The following EIF2D variants were observed in gnomAD, a reference collection of about 807,000 sequenced individuals.
EIF2D encodes the protein eukaryotic translation initiation factor 2D.
A neutral mutation model predicts 77.4 loss-of-function variants in EIF2D; 56 were observed. The observed-to-expected ratio is 0.72, with a 90% CI of 0.58 to 0.90. The LOEUF (loss-of-function observed/expected upper bound fraction) is 0.90. EIF2D is among the 40% of genes least tolerant of loss of function. The pLI is 0.00. For missense variants in EIF2D, 574 were observed against 706.5 expected, an observed-to-expected ratio of 0.81 and a Z score of 2.13; for synonymous variants, 230 against 271.0, an observed-to-expected ratio of 0.85 and a Z score of 1.49.
chr1:206,583,573 A>G (rs1198893690), intron 2 of EIF2D: 13 of 568,454 alleles, frequency 2.3e-5, no homozygotes, highest in South Asian at 1.0e-4. Context: ...TTAGGGAAAT[A>G]GATCTGACTC....
chr1:206,578,750 T>C (rs1553405665), intron 4 of EIF2D, among the ~76,000 whole-genome samples: 1 of 152,134 alleles, frequency 6.6e-6, no homozygotes, highest in Non-Finnish European at 1.5e-5. Flanking sequence ...TGCCACAGCA[T>C]TCCTGGGTGC....
chr1:206,591,498 C>G (rs868917524), downstream of EIF2D: 4 of 477,546 alleles, frequency 8.4e-6, no homozygotes, highest in Non-Finnish European at 1.5e-5. Context: ...GCTGGCCTGC[C>G]TGGAAAGCAG....
intron 6 of EIF2D, 98 bp from the exon 7 acceptor site, chr1:206,602,551 G>C: frequency 9.4e-7 from 1 of 1,060,480 alleles, no homozygotes; most frequent in African/African-American, 1.6e-5. Flanking sequence ...CACCCACTTG[G>C]CTCTGAAAGG....
intron 2 of EIF2D, chr1:206,583,198 A>T (rs1668962112): frequency 2.1e-6 from 2 of 966,524 alleles, no homozygotes; most frequent in Admixed American, 3.4e-5. Flanking sequence ...GGCTTTGGGG[A>T]GGGCGTGGTT....
chr1:206,603,528 G>A (rs2102295597), intron 5 of EIF2D: 2 of 237,952 alleles, frequency 8.4e-6, no homozygotes, highest in South Asian at 1.2e-4. Context: ...TCCCAAAAAT[G>A]TTCCCTTCAT....
downstream of EIF2D, among the ~76,000 whole-genome samples, chr1:206,569,411 C>G (rs1275504538): frequency 6.6e-6 from 1 of 152,186 alleles, no homozygotes; most frequent in Admixed American, 6.5e-5. Context: ...CAGGTAGCAA[C>G]CCTCAGAGAG....
At position 206,612,406 on chromosome 1, in the gene EIF2D, C is replaced by A; in HGVS notation, c.-64G>T. On this transcript the variant is annotated 5_prime_UTR_variant, in exon 1 of 15. Coordinates refer to ENST00000271764, the MANE Select transcript of EIF2D (RefSeq NM_006893.3). ...AGGGAATGTCAAGAAAGCGAGGGCG[C>A]AGCAGCTGCCAGGCCCTCAGCCGTG... 1 of 1,600,150 alleles carries A rather than the reference C, an allele frequency of 6.2e-7. No homozygotes were observed. Among genetic ancestry groups the A allele is most frequent in the Non-Finnish European group, 8.6e-7 (1 of 1,167,650 alleles).
chr1:206,575,657 G>GA (rs1451981908), intron 4 of EIF2D, among the ~76,000 whole-genome samples: 3 of 152,124 alleles, frequency 2.0e-5, no homozygotes, highest in Non-Finnish European at 4.4e-5. Flanking sequence ...GCAATGATGA[G>GA]AAAAAAACAC....
intron 3 of EIF2D, 87 bp downstream of exon 3, chr1:206,609,289 C>T: frequency 7.5e-7 from 1 of 1,333,556 alleles, no homozygotes. Flanking sequence ...ACCACAAAAA[C>T]ACAGGAAATG....
At chr1:206,586,297 T>C (rs1332068695) in intron 2 of EIF2D, 3 of 154,192 alleles carry the variant, frequency 1.9e-5, no homozygotes, top group Admixed American at 1.9e-4. Flanking sequence ...CCAAGTCCTT[T>C]AGGGGTAGGC....
intron 5 of EIF2D, 163 bp downstream of exon 5, chr1:206,605,237 G>T: frequency 1.9e-6 from 1 of 515,720 alleles, no homozygotes; most frequent in Non-Finnish European, 3.4e-6. Context: ...TCCAAACAGG[G>T]GAAAAAAATA....
intron 2 of EIF2D, among the ~76,000 whole-genome samples, chr1:206,610,728 A>G (rs946956757): frequency 1.3e-4 from 19 of 151,914 alleles, no homozygotes; most frequent in African/African-American, 4.6e-4. Context: ...GGCTGAGGCA[A>G]GAGAATGGTG....
In EIF2D at chr1:206,584,494, G is replaced by A; in HGVS notation, c.139-3332C>T. 2 of 1,614,156 alleles carry A rather than the reference G, an allele frequency of 1.2e-6. No individual in the cohort carries two copies. Among genetic ancestry groups the A allele is most frequent in the Non-Finnish European group, 1.7e-6 (2 of 1,180,012 alleles). ...CCCAGTCCATCTATGATGCCATCAA[G>A]GAGGTGAACCTGGCGGCTACCACGG... On this transcript the variant is annotated intron_variant and NMD_transcript_variant, in intron 2 of 5. Coordinates refer to the EIF2D transcript ENST00000472709. This position sits in a 1 kb window ranked among gnomAD's most constrained non-coding sequence, Gnocchi z 4.9.
chr1:206,604,170 C>T (rs1558538335), intron 5 of EIF2D, among the ~76,000 whole-genome samples: 2 of 152,142 alleles, frequency 1.3e-5, no homozygotes, highest in African/African-American at 2.4e-5. Context: ...CGGCGGGGAG[C>T]GGTGGCTCAC....
chr1:206,611,389 C>A lies in EIF2D; in HGVS notation c.57-15G>T, dbSNP rs781847455. 1 of 1,605,950 alleles carries A rather than the reference C, an allele frequency of 6.2e-7. No individual in the cohort carries two copies. Among genetic ancestry groups the A allele is most frequent in the Non-Finnish European group, 8.5e-7 (1 of 1,174,126 alleles). ...GAAGCTTTCTCCTGTGGAAAGCACACCAGCACTGTGAATGCTGCCTGGACA... is the reference window on the plus strand; with the variant it reads ...GAAGCTTTCTCCTGTGGAAAGCACAACAGCACTGTGAATGCTGCCTGGACA... On this transcript the variant is annotated splice_polypyrimidine_tract_variant and intron_variant, in intron 1 of 14. Coordinates refer to ENST00000271764, the MANE Select transcript of EIF2D (RefSeq NM_006893.3).
At position 206,609,473 on chromosome 1, in the gene EIF2D, G is replaced by C; in HGVS notation, c.248-14C>G. On this transcript the variant is annotated splice_polypyrimidine_tract_variant and intron_variant, in intron 2 of 14. Transcript: ENST00000271764. ...ACAGCGTGTACACTGTACAAAAAGA[G>C]ATCCAGAAAACACTACTACCAAAAA... 1 of 1,605,404 alleles carries C rather than the reference G, an allele frequency of 6.2e-7. No individual in the cohort carries two copies. Among genetic ancestry groups the C allele is most frequent in the Non-Finnish European group, 8.5e-7 (1 of 1,176,088 alleles).
intron 2 of EIF2D, chr1:206,585,089 C>T: frequency 1.1e-6 from 1 of 888,268 alleles, no homozygotes; most frequent in South Asian, 1.5e-5. Context: ...TTGTACGTAC[C>T]CCACCTCTGC....
intron 4 of EIF2D, among the ~76,000 whole-genome samples, chr1:206,575,174 C>T (rs1320235276): frequency 2.0e-5 from 3 of 152,118 alleles, no homozygotes; most frequent in African/African-American, 7.2e-5. Flanking sequence ...TGCCCCTTGC[C>T]TGCAGACGTT....
At chr1:206,578,336 G>A (rs1166418961) in intron 4 of EIF2D, among the ~76,000 whole-genome samples, 1 of 151,908 alleles carries the variant, frequency 6.6e-6, no homozygotes, top group Non-Finnish European at 1.5e-5. Flanking sequence ...ACCTTCCTGT[G>A]GCTCACTTTC....
Sources: gnomAD v4.1 joint callset for allele counts (sites outside exome capture counted in the v4.1 genomes callset) on GRCh38, gnomAD v4.1.1 for gene constraint, Gnocchi (gnomAD v3.1) non-coding constraint, MANE v1.5 for transcripts, NCBI Gene and HGNC (gene_info 2026-07-23, HGNC 2026-07-21) for gene names.